The following DOCK11 variants were observed in gnomAD, a reference collection of about 807,000 sequenced individuals.
The protein encoded by DOCK11 is dedicator of cytokinesis protein 11.
In DOCK11, 70 loss-of-function variants were observed where a neutral mutation model predicts 169.1. The observed-to-expected ratio is 0.41, with a 90% CI of 0.34 to 0.51. DOCK11 has a LOEUF of 0.51. Among genes scored for constraint, DOCK11 ranks in the 20% least tolerant of loss-of-function variants. The pLI, the probability that DOCK11 is intolerant of heterozygous loss-of-function variation, is 0.10. For synonymous variants in DOCK11, 529 were observed against 541.3 expected (o/e 0.98, Z 0.32); for missense variants, 1,166 against 1,538.8 (o/e 0.76, Z 4.05).
chrX:118,600,453 C>T (rs1364287721), intron 23 of DOCK11, among the ~76,000 whole-genome samples: 1 of 108,762 alleles, frequency 9.2e-6, no homozygotes, highest in Non-Finnish European at 1.9e-5. Context: ...GGGCATCTGC[C>T]GGATAGTAAT....
chrX:118,568,694 C>T (rs886826465), intron 10 of DOCK11, among the ~76,000 whole-genome samples: 4 of 109,217 alleles, frequency 3.7e-5, no homozygotes, highest in Non-Finnish European at 5.7e-5. Flanking sequence ...CAGGTTTATA[C>T]GCGGATGTGT....
At chrX:118,609,591 A>C (rs1047383195) in intron 27 of DOCK11, among the ~76,000 whole-genome samples, 1 of 112,210 alleles carries the variant, frequency 8.9e-6, no homozygotes, top group Non-Finnish European at 1.9e-5. Context: ...TAATCTGCAG[A>C]GACTTTTCCA....
chrX:118,607,418 AT>A (rs56374019), intron 24 of DOCK11, among the ~76,000 whole-genome samples: 31 of 51,234 alleles, frequency 6.1e-4, no homozygotes, highest in African/African-American at 1.3e-3. Flanking sequence ...CCGGGCCTTC[AT>A]TTTTTTTTTT....
intron 40 of DOCK11, among the ~76,000 whole-genome samples, chrX:118,647,705 AATAAT>A (rs1260930410): frequency 1.9e-5 from 1 of 52,973 alleles, no homozygotes; most frequent in Admixed American, 3.7e-4. Context: ...TATAATATAT[AATAAT>A]ATAATATATA....
chrX:118,558,474 T>C lies in DOCK11; in HGVS notation c.559-2909T>C, dbSNP rs993421397. Among the ~76,000 whole-genome samples the C allele has an allele frequency of 2.7e-5, 3 of 112,171 alleles. No individual in the cohort carries two copies. The East Asian group carries it at 8.4e-4, about 31-fold the overall frequency. ...TTTAACACCTGTCTTCTTTTAGAAATGTAAAAAATATATATAAACTTATAC... is the reference window on the plus strand; with the variant it reads ...TTTAACACCTGTCTTCTTTTAGAAACGTAAAAAATATATATAAACTTATAC... On this transcript the variant is annotated intron_variant, in intron 6 of 52. Coordinates refer to ENST00000276202, the MANE Select transcript of DOCK11 (RefSeq NM_144658.4).
At chrX:118,682,413 T>C (rs976584790) in intron 51 of DOCK11, among the ~76,000 whole-genome samples, 2 of 111,799 alleles carry the variant, frequency 1.8e-5, no homozygotes, top group Admixed American at 9.6e-5. Flanking sequence ...TTGTTTACTT[T>C]TCCTGTCTAT....
Position 118,640,932 on chromosome X carries a change from T to TG in DOCK11, c.4145-257dup, listed in dbSNP as rs1387871997. Among the ~76,000 whole-genome samples, 3 of 110,990 alleles carry TG rather than the reference T, an allele frequency of 2.7e-5. No homozygotes were observed. The South Asian group carries it at 1.2e-3, about 43-fold the overall frequency. On this transcript the variant is annotated intron_variant, in intron 38 of 52. Coordinates refer to ENST00000276202, the MANE Select transcript of DOCK11 (RefSeq NM_144658.4). ...CCTCAGCCTCCTGAGTAGCTGGGATTGTAGGTACGTGCCACCATGCCCGGC... is the reference window on the plus strand; with the variant it reads ...CCTCAGCCTCCTGAGTAGCTGGGATTGGTAGGTACGTGCCACCATGCCCGGC...
chrX:118,583,291 C>T (rs1214348258), intron 14 of DOCK11, among the ~76,000 whole-genome samples: 1 of 109,740 alleles, frequency 9.1e-6, no homozygotes, highest in Non-Finnish European at 1.9e-5. Flanking sequence ...GGTTGGGGGG[C>T]TAGGGGAGGG....
intron 1 of DOCK11, among the ~76,000 whole-genome samples, chrX:118,529,719 C>T (rs766714606): frequency 8.9e-6 from 1 of 111,737 alleles, no homozygotes; most frequent in South Asian, 3.8e-4. Context: ...AATAGAATAG[C>T]TCTGGGTTTC....
At chrX:118,673,244 A>C (rs897770113) in intron 46 of DOCK11, among the ~76,000 whole-genome samples, 1 of 111,973 alleles carries the variant, frequency 8.9e-6, no homozygotes, top group Non-Finnish European at 1.9e-5. Flanking sequence ...AACTACTCCT[A>C]TTTCCTTGGA....
chrX:118,529,668 G>T (rs1446634773), intron 1 of DOCK11, among the ~76,000 whole-genome samples: 1 of 111,884 alleles, frequency 8.9e-6, no homozygotes, highest in Non-Finnish European at 1.9e-5. Context: ...CTGCACCTTG[G>T]CACCTCTGAA....
At chrX:118,505,192 G>A (rs2057602818) in intron 1 of DOCK11, among the ~76,000 whole-genome samples, 1 of 111,492 alleles carries the variant, frequency 9.0e-6, no homozygotes, top group African/African-American at 3.3e-5. Context: ...GCCCGGCTAA[G>A]TTTTGTGTTT....
chrX:118,537,310 T>C (rs2011793674), intron 1 of DOCK11, among the ~76,000 whole-genome samples: 1 of 111,466 alleles, frequency 9.0e-6, no homozygotes, highest in African/African-American at 3.3e-5. Context: ...GCCTGCTTTC[T>C]GGTATCCCTC....
At chrX:118,503,895 G>A (rs956224668) in intron 1 of DOCK11, among the ~76,000 whole-genome samples, 2 of 111,325 alleles carry the variant, frequency 1.8e-5, no homozygotes, top group African/African-American at 6.5e-5. Flanking sequence ...GTTAGAATGG[G>A]GTGGGGATGG....
intron 40 of DOCK11, among the ~76,000 whole-genome samples, chrX:118,645,910 G>C (rs778205745): frequency 1.0e-5 from 1 of 99,711 alleles, no homozygotes; most frequent in South Asian, 4.4e-4. Context: ...AAAAAAATTA[G>C]CTGGGCATGG....
In DOCK11 at chrX:118,543,150, G is replaced by A. The variant is rs749736330; in HGVS notation, c.309+135G>A. Reference sequence around the variant, plus strand: ...ATATTTAAAGTAGTCTTCCTTTAATGTAAAGGTAAAATAAAATAACTAACA... The same window carrying A: ...ATATTTAAAGTAGTCTTCCTTTAATATAAAGGTAAAATAAAATAACTAACA... On this transcript the variant is annotated intron_variant, in intron 3 of 52. Coordinates refer to ENST00000276202, the MANE Select transcript of DOCK11 (RefSeq NM_144658.4). The A allele has an allele frequency of 2.2e-5, 11 of 499,314 alleles. 1 individual carries two copies. The highest frequency in any genetic ancestry group is 1.2e-4 in the African/African-American group (5 of 41,790). The allele number at this position is 499,314 out of a possible 1,213,427, so 41.1% of individuals were successfully genotyped here.
intron 22 of DOCK11, among the ~76,000 whole-genome samples, chrX:118,598,607 A>G (rs2014242656): frequency 1.8e-5 from 2 of 111,069 alleles, no homozygotes; most frequent in African/African-American, 6.6e-5. Context: ...GAATCAGGTC[A>G]AAACACACAT....
rs187053165 is a variant in DOCK11 at position 118,553,381 on chromosome X, T to G, written c.558+7265T>G. Among the ~76,000 whole-genome samples, 315 of 111,933 alleles carry G rather than the reference T, an allele frequency of 2.8e-3. 3 individuals are homozygous for G. The highest frequency in any genetic ancestry group is 9.2e-3 in the African/African-American group (283 of 30,831). ...GGTTTTTCATTTTTTAAAAAATTGC[T>G]GCAGATTCTTGGCCAACTCCTGGGA... On this transcript the variant is annotated intron_variant, in intron 6 of 52. Transcript: ENST00000276202.
intron 45 of DOCK11, among the ~76,000 whole-genome samples, chrX:118,668,194 A>G (rs183134666): frequency 1.8e-5 from 2 of 111,806 alleles, no homozygotes; most frequent in Non-Finnish European, 3.8e-5. Context: ...CTTGTTCTCA[A>G]TCTTAGGAGA....
Sources: allele counts gnomAD v4.1 joint callset (sites outside exome capture counted in the v4.1 genomes callset), GRCh38; gene constraint gnomAD v4.1.1; transcripts MANE v1.5; gene names NCBI Gene and HGNC (gene_info 2026-07-23, HGNC 2026-07-21).